Variants in DNAH7 observed in about 807,000 individuals in gnomAD.
DNAH7 encodes axonemal beta dynein heavy chain 7.
In DNAH7, 397 loss-of-function variants were observed where a neutral mutation model predicts 444.6. The observed-to-expected ratio is 0.89, with a 90% CI of 0.82 to 0.97. The LOEUF is 0.97. Ranked by LOEUF, DNAH7 falls within the 50% of genes least tolerant of loss-of-function variation. DNAH7 has a pLI of 0.00. For synonymous variants in DNAH7, 1,636 were observed against 1,624.4 expected, an observed-to-expected ratio of 1.01 and a Z score of -0.17; for missense variants, 4,902 against 4,800.8, an observed-to-expected ratio of 1.02 and a Z score of -0.62.
chr2:195,850,591 G>A (rs1040772683), intron 46 of DNAH7, among the ~76,000 whole-genome samples: 3 of 152,188 alleles, frequency 2.0e-5, no homozygotes, highest in African/African-American at 7.2e-5. Flanking sequence ...CTATAAAAGA[G>A]TTGATAAATA....
intron 48 of DNAH7, among the ~76,000 whole-genome samples, chr2:195,832,091 A>C (rs1698103407): frequency 1.3e-5 from 2 of 152,226 alleles, no homozygotes; most frequent in African/African-American, 4.8e-5. Flanking sequence ...GCTTACCTTT[A>C]TACTATGCCT....
At chr2:195,907,948 C>G (rs865989303) in intron 25 of DNAH7, among the ~76,000 whole-genome samples, 1 of 151,938 alleles carries the variant, frequency 6.6e-6, no homozygotes, top group Non-Finnish European at 1.5e-5. Context: ...CATATTCAAG[C>G]AGTTATATAC....
At chr2:195,907,111 C>A in intron 25 of DNAH7, 102 bp from the exon 26 acceptor site, 1 of 847,168 alleles carries the variant, frequency 1.2e-6, no homozygotes, top group Non-Finnish European at 1.8e-6. Flanking sequence ...AATATCCTGT[C>A]AAAGAAATTG....
chr2:195,992,327 C>T (rs562449724), intron 12 of DNAH7, among the ~76,000 whole-genome samples: 1 of 152,300 alleles, frequency 6.6e-6, no homozygotes, highest in South Asian at 2.1e-4. Context: ...AGGGAGGAGA[C>T]CACAGGTGGA....
chr2:195,884,536 G>T, intron 35 of DNAH7, 49 bp downstream of exon 35: 1 of 1,378,792 alleles, frequency 7.3e-7, no homozygotes, highest in Non-Finnish European at 1.0e-6. Flanking sequence ...GTGTCAGAGA[G>T]GGGACTCTGC....
intron 49 of DNAH7, among the ~76,000 whole-genome samples, chr2:195,821,336 T>C (rs1372082403): frequency 6.6e-6 from 1 of 152,252 alleles, no homozygotes; most frequent in East Asian, 1.9e-4. Flanking sequence ...CTGAGGTTGC[T>C]GTTCTCTCTA....
chr2:195,859,299 A>G lies in DNAH7; in HGVS notation c.7737-495T>C, dbSNP rs1462289. On this transcript the variant is annotated intron_variant, in intron 42 of 64. Transcript: ENST00000312428. ...CTTGAAACAAGAGATTTGTTTTATT[A>G]AAGAAAAAGTAACAAATAGAGCAGA... Among the ~76,000 whole-genome samples the G allele has an allele frequency of 3.2e-4, 48 of 152,362 alleles. 1 individual carries two copies. The South Asian group carries it at 8.1e-3, about 26-fold the overall frequency.
Position 195,900,395 on chromosome 2 carries a change from C to T in DNAH7, c.4435G>A (p.Val1479Ile), listed in dbSNP as rs1474162810. 5 of 1,614,004 alleles carry T rather than the reference C, an allele frequency of 3.1e-6. No homozygotes were observed. The highest frequency in any genetic ancestry group is 1.3e-5 in the African/African-American group (1 of 75,016). ...CGFVTARPLS[V>I]KIVATYRLCS... ...AAGCGATACGTAGCCACAATTTTTA[C>T]AGACAGTGGTCGAGCAGTGACAAAC... is the stretch of plus-strand genomic sequence containing the variant. The change falls in exon 28 of 65, where the codon GTA (valine) becomes ATA (isoleucine). Residue 1479 changes from valine to isoleucine, a missense_variant. Coordinates refer to ENST00000312428, the MANE Select transcript of DNAH7 (RefSeq NM_018897.3).
intron 19 of DNAH7, among the ~76,000 whole-genome samples, chr2:195,942,261 G>A (rs72917225): frequency 3.9e-5 from 6 of 152,118 alleles, no homozygotes; most frequent in South Asian, 4.2e-4. Context: ...CATTAACACC[G>A]CAGATATTTA....
chr2:195,766,191 T>TTTTTTTTTTTTTTTTTTTTTTTTTTTTA (rs1491573632), intron 61 of DNAH7, among the ~76,000 whole-genome samples: 1 of 136,008 alleles, frequency 7.4e-6, no homozygotes, highest in Non-Finnish European at 1.6e-5. Context: ...TTTTTTTTTT[T>TTTTTTTTTTTTTTTTTTTTTTTTTTTTA]GAGACAGAGT....
At chr2:195,869,436 G>T (rs1700546800) in intron 40 of DNAH7, among the ~76,000 whole-genome samples, 1 of 152,022 alleles carries the variant, frequency 6.6e-6, no homozygotes. Flanking sequence ...CATGGGGCTT[G>T]CCTGCTATCT....
chr2:195,960,191 G>C (rs13432564), intron 18 of DNAH7, 69 bp downstream of exon 18: 45,961 of 1,284,746 alleles, frequency 0.036, 1,248 homozygotes, highest in African/African-American at 0.13. Context: ...ATTCTCAAAA[G>C]AACTTTACAT....
Position 195,811,776 on chromosome 2 carries a change from G to GAA in DNAH7, c.9762-1907_9762-1906dup, listed in dbSNP as rs148713731. On this transcript the variant is annotated intron_variant, in intron 51 of 64. Transcript: ENST00000312428. Reference sequence around the variant, plus strand: ...GAGAATGGTCTTGATAGAAGTGAAAGAAAAAAAAAACTGTGTGCGTAATTA... The same window carrying GAA: ...GAGAATGGTCTTGATAGAAGTGAAAGAAAAAAAAAAAACTGTGTGCGTAATTA... Among the ~76,000 whole-genome samples, 3 of 149,194 alleles carry GAA rather than the reference G, an allele frequency of 2.0e-5. No homozygotes were observed. The South Asian group carries it at 6.4e-4, about 32-fold the overall frequency.
At chr2:195,912,271 C>T (rs1687405171) in intron 24 of DNAH7, among the ~76,000 whole-genome samples, 1 of 152,096 alleles carries the variant, frequency 6.6e-6, no homozygotes, top group Non-Finnish European at 1.5e-5. Flanking sequence ...CTCGACACAC[C>T]ATCTGCCCCT....
chr2:195,790,329 A>C (rs568871545), intron 57 of DNAH7, among the ~76,000 whole-genome samples: 3 of 152,188 alleles, frequency 2.0e-5, no homozygotes, highest in African/African-American at 7.2e-5. Flanking sequence ...AATTAATTCT[A>C]CAACTCATAA....
rs1466683387 is a variant in DNAH7 at position 195,777,847 on chromosome 2, A to T, written c.11017T>A (p.Tyr3673Asn). 6.2e-7 allele frequency: 1 copy of T among 1,613,978 alleles called. No individual in the cohort carries two copies. Among genetic ancestry groups the T allele is most frequent in the African/African-American group, 1.3e-5 (1 of 74,924 alleles). Reference sequence around the variant, plus strand: ...TAGATGCCACTTGAGTCGAACTTATAGTCTGAATTTTCAACTAATTCGGGA... The same window carrying T: ...TAGATGCCACTTGAGTCGAACTTATTGTCTGAATTTTCAACTAATTCGGGA... ...FNPELVENSD[Y>N]KFDSSGIYFV... Residue 3673 changes from tyrosine to asparagine, a missense_variant, in exon 59 of 65, where the codon TAT becomes AAT. Transcript: ENST00000312428.
At chr2:195,967,293 A>G (rs1174754641) in intron 17 of DNAH7, among the ~76,000 whole-genome samples, 2 of 151,986 alleles carry the variant, frequency 1.3e-5, no homozygotes, top group African/African-American at 2.4e-5. Context: ...GTTTCTCTTT[A>G]TATCTTTTTG....
chr2:195,833,647 A>G (rs2124953625), intron 48 of DNAH7, among the ~76,000 whole-genome samples: 1 of 152,340 alleles, frequency 6.6e-6, no homozygotes, highest in African/African-American at 2.4e-5. Flanking sequence ...TGTGATATCT[A>G]CATAAGAGCT....
chr2:195,884,550 G>C, intron 35 of DNAH7, 35 bp downstream of exon 35: 1 of 1,528,772 alleles, frequency 6.5e-7, no homozygotes, highest in African/African-American at 1.4e-5. Context: ...ACTCTGCCAG[G>C]CTGGCAGCTG....
Sources: allele counts gnomAD v4.1 joint callset (sites outside exome capture counted in the v4.1 genomes callset), GRCh38; gene constraint gnomAD v4.1.1; transcripts MANE v1.5; gene names NCBI Gene and HGNC (gene_info 2026-07-23, HGNC 2026-07-21).